STAG1: variants seen among roughly 807,000 people sequenced by gnomAD.
STAG1 encodes STAG1 cohesin complex component, also known as cohesin subunit SA-1.
In STAG1, 26 loss-of-function variants were observed where a neutral mutation model predicts 170.9. The ratio of observed to expected loss-of-function variants is 0.15; its 90% CI spans 0.11 to 0.21. STAG1 has a LOEUF of 0.21. Among genes scored for constraint, STAG1 ranks in the 10% least tolerant of loss-of-function variants. The pLI is 1.00. For missense variants in STAG1, 964 were observed against 1,509.5 expected, an observed-to-expected ratio of 0.64 and a Z score of 5.99; for synonymous variants, 514 against 497.7, an observed-to-expected ratio of 1.03 and a Z score of -0.44.
At chr3:136,408,627 A>G (rs2087547464) in intron 21 of STAG1, among the ~76,000 whole-genome samples, 1 of 152,186 alleles carries the variant, frequency 6.6e-6, no homozygotes, top group African/African-American at 2.4e-5. Flanking sequence ...ATAAAAAACA[A>G]TCAAGAGTCT....
intron 25 of STAG1, among the ~76,000 whole-genome samples, chr3:136,363,755 T>C (rs796311651): frequency 2.6e-5 from 4 of 152,122 alleles, no homozygotes; most frequent in African/African-American, 9.6e-5. Context: ...GTGAGAAAAA[T>C]TCCCCATTCT....
At chr3:136,521,517 G>GC in intron 6 of STAG1, 100 bp from the exon 7 acceptor site, 2 of 978,280 alleles carry the variant, frequency 2.0e-6, no homozygotes, top group Admixed American at 2.6e-5. Context: ...TTTTTGCAAA[G>GC]CAGTTATAGA....
chr3:136,705,453 G>C (rs1943203935), intron 1 of STAG1, among the ~76,000 whole-genome samples: 1 of 148,910 alleles, frequency 6.7e-6, no homozygotes, highest in Non-Finnish European at 1.5e-5. Flanking sequence ...ATATTGTTTT[G>C]CTGTGTCCCC....
intron 6 of STAG1, among the ~76,000 whole-genome samples, chr3:136,534,624 TG>T (rs1391339477): frequency 2.0e-5 from 3 of 151,816 alleles, no homozygotes; most frequent in Non-Finnish European, 4.4e-5. Context: ...AAAACTTAAA[TG>T]GCCAACAGGT....
At chr3:136,738,151 C>T (rs1934451489) in intron 1 of STAG1, among the ~76,000 whole-genome samples, 1 of 151,512 alleles carries the variant, frequency 6.6e-6, no homozygotes, top group Admixed American at 6.6e-5. Context: ...TGGTGGTTAC[C>T]AGGGATGGGA....
chr3:136,723,771 C>T (rs530634528), intron 1 of STAG1, among the ~76,000 whole-genome samples: 28 of 138,670 alleles, frequency 2.0e-4, no homozygotes, highest in African/African-American at 5.6e-4. Flanking sequence ...CCGCCCCGTC[C>T]GGGAAGGAGG....
At chr3:136,391,216 G>A (rs796088798) in intron 22 of STAG1, among the ~76,000 whole-genome samples, 6 of 152,212 alleles carry the variant, frequency 3.9e-5, no homozygotes, top group African/African-American at 1.4e-4. Flanking sequence ...CCCTATTGCA[G>A]TCTAGAATAG....
chr3:136,398,968 G>C, intron 21 of STAG1, 139 bp from the exon 22 acceptor site: 1 of 414,712 alleles, frequency 2.4e-6, no homozygotes, highest in Non-Finnish European at 4.3e-6. Context: ...TATAATTAAT[G>C]AGAATGTATA....
At chr3:136,565,146 A>G (rs1272324666) in intron 5 of STAG1, among the ~76,000 whole-genome samples, 4 of 151,126 alleles carry the variant, frequency 2.6e-5, no homozygotes, top group Non-Finnish European at 5.9e-5. Flanking sequence ...AAGAGAAAGG[A>G]AAGAGAAGGG....
intron 4 of STAG1, among the ~76,000 whole-genome samples, chr3:136,573,963 G>C (rs1321337393): frequency 6.6e-6 from 1 of 151,630 alleles, no homozygotes; most frequent in South Asian, 2.1e-4. Flanking sequence ...AGAGTGAGAC[G>C]CTGGGTGCAG....
intron 9 of STAG1, among the ~76,000 whole-genome samples, chr3:136,484,322 T>C (rs933551714): frequency 6.6e-6 from 1 of 150,488 alleles, no homozygotes; most frequent in African/African-American, 2.4e-5. Flanking sequence ...TGCAGGTCTG[T>C]TGGAATACCC....
chr3:136,712,960 G>A (rs1339856838), intron 1 of STAG1, among the ~76,000 whole-genome samples: 1 of 151,994 alleles, frequency 6.6e-6, no homozygotes, highest in East Asian at 1.9e-4. Flanking sequence ...GCACAGTGGC[G>A]GGTGCCTGTC....
rs1490312499 is a variant in STAG1, at chr3:136,623,077, TAAC to T, written c.132+66_132+68del. ...GTATTAACCATACTAGCACTAGAAT[TAAC>T]AACTCATATAAACTCATTAACACGG... On this transcript the variant is annotated intron_variant, in intron 3 of 33. Transcript: ENST00000383202. 3.1e-5 allele frequency: 41 copies of T among 1,343,116 alleles called. No homozygotes were observed. The Admixed American group carries it at 7.2e-4, about 24-fold the overall frequency. The allele number at this position is 1,343,116 out of a possible 1,614,324, so 83.2% of individuals were successfully genotyped here. A position where few individuals can be genotyped will look rare whatever the true frequency, so the allele number is the denominator to read the frequency against.
intron 21 of STAG1, among the ~76,000 whole-genome samples, chr3:136,410,461 A>C (rs2087595363): frequency 6.6e-6 from 1 of 152,186 alleles, no homozygotes; most frequent in Admixed American, 6.5e-5. Flanking sequence ...GTGGAAGAGT[A>C]GTGCAAGCTA....
At chr3:136,492,003 A>G (rs1213930803) in intron 9 of STAG1, among the ~76,000 whole-genome samples, 1 of 152,182 alleles carries the variant, frequency 6.6e-6, no homozygotes, top group Non-Finnish European at 1.5e-5. Flanking sequence ...AAACAAAACA[A>G]AACAAAAAAA....
chr3:136,351,145 A>G (rs1419750850), intron 28 of STAG1, among the ~76,000 whole-genome samples: 1 of 151,384 alleles, frequency 6.6e-6, no homozygotes, highest in Non-Finnish European at 1.5e-5. Context: ...CCTTTGATTC[A>G]TTTGAACGTA....
intron 1 of STAG1, among the ~76,000 whole-genome samples, chr3:136,680,869 T>C (rs1444928670): frequency 2.0e-5 from 3 of 151,650 alleles, no homozygotes; most frequent in Non-Finnish European, 4.4e-5. Context: ...CCATGGGGGA[T>C]TGGTTCCAGG....
chr3:136,386,200 A>G (rs2086869826), intron 22 of STAG1, among the ~76,000 whole-genome samples: 1 of 152,004 alleles, frequency 6.6e-6, no homozygotes, highest in South Asian at 2.1e-4. Flanking sequence ...TTAGCTGGGC[A>G]TGGTGGTGCA....
intron 15 of STAG1, among the ~76,000 whole-genome samples, chr3:136,442,402 G>A (rs945513848): frequency 3.3e-5 from 5 of 152,142 alleles, no homozygotes; most frequent in African/African-American, 9.7e-5. Context: ...ACGAATATGC[G>A]TATAAGCTTT....
Sources: gnomAD v4.1 joint callset for allele counts (sites outside exome capture counted in the v4.1 genomes callset) on GRCh38, gnomAD v4.1.1 for gene constraint, MANE v1.5 for transcripts, NCBI Gene and HGNC (gene_info 2026-07-23, HGNC 2026-07-21) for gene names.